The following ZNF445 variants were observed in gnomAD, a reference collection of about 807,000 sequenced individuals.
ZNF445 encodes the protein zinc finger protein 445, also known as zinc finger protein 168.
A neutral mutation model predicts 93.9 loss-of-function variants in ZNF445; 19 were observed. That is an observed-to-expected ratio of 0.20 (90% confidence interval 0.14 to 0.30). The LOEUF is 0.30. ZNF445 is among the 10% of genes least tolerant of loss of function. The pLI is 1.00. For missense variants in ZNF445, 1,058 were observed against 1,259.4 expected, an observed-to-expected ratio of 0.84 and a Z score of 2.42; for synonymous variants, 449 against 446.3, an observed-to-expected ratio of 1.01 and a Z score of -0.08.
rs748975852 is a variant in ZNF445, at chr3:44,447,040, A to G, written c.2631T>C (p.Tyr877=). 4.3e-6 allele frequency: 7 copies of G among 1,614,116 alleles called. No homozygotes were observed. The highest frequency in any genetic ancestry group is 2.7e-5 in the African/African-American group (2 of 74,922). ...RYKCNLCGKS[Y]DRNYRLVNHQ... ...GGTTAACAAGGCGATAGTTTCTATC[A>G]TAAGATTTCCCACATAGATTACATT... The change falls in exon 8 of 8, where the codon TAT becomes TAC. Residue 877 remains tyrosine (Y), a synonymous_variant. Coordinates refer to ENST00000396077, the MANE Select transcript of ZNF445 (RefSeq NM_181489.6). This position sits in a 1 kb window ranked among gnomAD's most constrained non-coding sequence, Gnocchi z 4.7.
rs989900137 is a variant in ZNF445, at chr3:44,438,486, CG to C, written c.*8088del. 4.6e-5 allele frequency: 7 copies of C among 150,990 alleles called. No individual in the cohort carries two copies. The highest frequency in any genetic ancestry group is 1.7e-4 in the African/African-American group (7 of 40,980). 9.4% of individuals were successfully genotyped at this position (150,990 alleles called of 1,614,324 possible). A position where few individuals can be genotyped will look rare whatever the true frequency, so the allele number is the denominator to read the frequency against. On this transcript the variant is annotated 3_prime_UTR_variant, in exon 8 of 8. Transcript: ENST00000396077. ...TAATTTTTTGTATTTTTACTAGAGACGGGGTTTCACCGCGTTAGCCAGCATG... is the reference window on the plus strand; with the variant it reads ...TAATTTTTTGTATTTTTACTAGAGACGGGTTTCACCGCGTTAGCCAGCATG...
In ZNF445 at chr3:44,438,050, TC is replaced by T. The variant is rs1284928653; in HGVS notation, c.*8524del. The T allele has an allele frequency of 6.6e-6, 1 of 152,434 alleles. No individual in the cohort carries two copies. The highest frequency in any genetic ancestry group is 2.4e-5 in the African/African-American group (1 of 41,416). 9.4% of individuals were successfully genotyped at this position (152,434 alleles called of 1,614,324 possible). ...CTATTCAACATGGAGTTGCTCTCGT[TC>T]CAATGCTTCTGACGCTATCTCTACA... On this transcript the variant is annotated 3_prime_UTR_variant, in exon 8 of 8. Transcript: ENST00000396077.
chr3:44,449,003 T>TA (rs1021049816), intron 7 of ZNF445, among the ~76,000 whole-genome samples: 2 of 152,182 alleles, frequency 1.3e-5, no homozygotes, highest in Admixed American at 1.3e-4. Flanking sequence ...AAGAAAGTGT[T>TA]AAACAGCCAG....
rs532882631 is a variant in ZNF445 at position 44,459,463 on chromosome 3, A to G, written c.-268-1099T>C. 2.8e-4 allele frequency among the ~76,000 whole-genome samples: 42 copies of G among 152,350 alleles called. No homozygotes were observed. The South Asian group carries it at 8.7e-3, about 32-fold the overall frequency. ...TTCTTCCTAAGGTAATGTGTGGTTA[A>G]TAAAATCCCAACCAAATTCCACCAT... On this transcript the variant is annotated intron_variant, in intron 1 of 7. Transcript: ENST00000396077.
intron 1 of ZNF445, 36 bp downstream of exon 1, chr3:44,477,555 G>A (rs1458308269): frequency 1.3e-5 from 2 of 151,582 alleles, no homozygotes; most frequent in East Asian, 1.9e-4. Flanking sequence ...CCGCAATGCC[G>A]CCACCCCCAC....
At position 44,436,366 on chromosome 3, in the gene ZNF445, T is replaced by C. The variant is rs1161137657; in HGVS notation, c.*10209A>G. 3.3e-5 allele frequency: 5 copies of C among 152,312 alleles called. No individual in the cohort carries two copies. The highest frequency in any genetic ancestry group is 5.9e-5 in the Non-Finnish European group (4 of 68,038). The allele number at this position is 152,312 out of a possible 1,614,324, so 9.4% of individuals were successfully genotyped here. ...TGTTTTTGGTGACTAAGTGTTACCA[T>C]ATGGTCCCTGCCTCCTCAGGATTCC... is the stretch of plus-strand genomic sequence containing the variant. On this transcript the variant is annotated 3_prime_UTR_variant, in exon 8 of 8. Coordinates refer to ENST00000396077, the MANE Select transcript of ZNF445 (RefSeq NM_181489.6).
In ZNF445 at chr3:44,455,320, C is replaced by T. The variant is rs777141268; in HGVS notation, c.230G>A (p.Arg77Gln). The change falls in exon 3 of 8, where the codon CGG becomes CAG. Residue 77 changes from arginine to glutamine, a missense_variant. Transcript: ENST00000396077. The stretch of plus-strand genomic sequence containing the variant: ...CCTCAGCCACCAGCGACAGAGTTCC[C>T]GGAGCCGGCTCAGAGTTTCTAGGGG... Reference protein sequence around the residue: ...SGPLETLSRLRELCRWWLRPD... With the variant: ...SGPLETLSRLQELCRWWLRPD... The T allele has an allele frequency of 1.2e-5, 19 of 1,613,936 alleles. No homozygotes were observed. Among genetic ancestry groups the T allele is most frequent in the Admixed American group, 6.7e-5 (4 of 60,004 alleles).
At chr3:44,462,308 G>T (rs1181617870) in intron 1 of ZNF445, among the ~76,000 whole-genome samples, 1 of 152,188 alleles carries the variant, frequency 6.6e-6, no homozygotes, top group Non-Finnish European at 1.5e-5. Flanking sequence ...TTGTGACAAT[G>T]TAGGGATACT....
rs969405010 is a variant in ZNF445 at position 44,440,787 on chromosome 3, T to C, written c.*5788A>G. On this transcript the variant is annotated 3_prime_UTR_variant, in exon 8 of 8. Transcript: ENST00000396077. The stretch of plus-strand genomic sequence containing the variant: ...GTTGCCTATTTTTATGGTTATTTAT[T>C]GATTATATGCTAAACAAGGGGTAGA... The C allele has an allele frequency of 4.6e-5, 7 of 152,366 alleles. No individual in the cohort carries two copies. In the East Asian group the frequency reaches 1.3e-3, roughly 29 times the overall value. 9.4% of individuals were successfully genotyped at this position (152,366 alleles called of 1,614,324 possible).
At position 44,440,072 on chromosome 3, in the gene ZNF445, C is replaced by G. The variant is rs1697780728; in HGVS notation, c.*6503G>C. 6.6e-6 allele frequency: 1 copy of G among 152,238 alleles called. No homozygotes were observed. Among genetic ancestry groups the G allele is most frequent in the Non-Finnish European group, 1.5e-5 (1 of 68,046 alleles). 9.4% of individuals were successfully genotyped at this position (152,238 alleles called of 1,614,324 possible). ...TGGGGAGACTCTATTCTAGCTCCCC[C>G]AGTCCTGGGGTGGCAGCTGCTTAGC... On this transcript the variant is annotated 3_prime_UTR_variant, in exon 8 of 8. Transcript: ENST00000396077.
chr3:44,433,697 C>T lies in ZNF445; in HGVS notation c.*12878G>A, dbSNP rs1697611066. On this transcript the variant is annotated 3_prime_UTR_variant, in exon 8 of 8. Coordinates refer to ENST00000396077, the MANE Select transcript of ZNF445 (RefSeq NM_181489.6). ...GTGGGAAAGTGGAGAACCATCAGCT[C>T]ACTTTCCCTCACGCCATGGCAAAAG... The T allele has an allele frequency of 6.6e-6, 1 of 152,242 alleles. No homozygotes were observed. Among genetic ancestry groups the T allele is most frequent in the South Asian group, 2.1e-4 (1 of 4,826 alleles). The allele number at this position is 152,242 out of a possible 1,614,324, so 9.4% of individuals were successfully genotyped here. A position where few individuals can be genotyped will look rare whatever the true frequency, so the allele number is the denominator to read the frequency against.
At chr3:44,451,028 C>A in intron 4 of ZNF445, 66 bp from the exon 5 acceptor site, 1 of 1,341,324 alleles carries the variant, frequency 7.5e-7, no homozygotes, top group Non-Finnish European at 1.0e-6. Context: ...GCCCACTCTT[C>A]CCCCCAGTAG....
chr3:44,471,268 C>T (rs1453917211), intron 1 of ZNF445, among the ~76,000 whole-genome samples: 1 of 152,130 alleles, frequency 6.6e-6, no homozygotes, highest in Non-Finnish European at 1.5e-5. Context: ...AGTACCCAGA[C>T]ATTATTGGTG....
intron 1 of ZNF445, among the ~76,000 whole-genome samples, chr3:44,465,912 TCAAAAAAAAAC>T (rs983293680): frequency 6.6e-6 from 1 of 151,848 alleles, no homozygotes; most frequent in African/African-American, 2.4e-5. Flanking sequence ...AGACTTCGTC[TCAAAAAAAAAC>T]CAAAAAACAA....
In ZNF445 at chr3:44,447,386, T is replaced by C. The variant is rs1697891266; in HGVS notation, c.2285A>G (p.Tyr762Cys). The stretch of plus-strand genomic sequence containing the variant: ...GGCCTTGCCACACTGGCTGCATTTG[T>C]AGGGCTCCTCTTTGGAGTGACTGCT... The part of the protein sequence containing the change: ...PQSSHSKEEP[Y>C]KCSQCGKAFR... Residue 762 changes from tyrosine to cysteine, a missense_variant, in exon 8 of 8, where the codon TAC (tyrosine) becomes TGC (cysteine). Tyr to Cys is a radical substitution (Grantham distance 194). This residue lies in a region of ZNF445 where 387 missense variants were observed against 475.7 expected (regional missense o/e 0.81). Transcript: ENST00000396077. This position sits in a 1 kb window ranked among gnomAD's most constrained non-coding sequence, Gnocchi z 4.7. 1.9e-6 allele frequency: 3 copies of C among 1,614,168 alleles called. No homozygotes were observed. The highest frequency in any genetic ancestry group is 4.5e-5 in the East Asian group (2 of 44,866).
rs1421262790 is a variant in ZNF445 at position 44,438,759 on chromosome 3, C to T, written c.*7816G>A. 2.0e-5 allele frequency: 3 copies of T among 150,528 alleles called. No homozygotes were observed. Among genetic ancestry groups the T allele is most frequent in the Non-Finnish European group, 4.4e-5 (3 of 67,896 alleles). 9.3% of individuals were successfully genotyped at this position (150,528 alleles called of 1,614,324 possible). A position where few individuals can be genotyped will look rare whatever the true frequency, so the allele number is the denominator to read the frequency against. On this transcript the variant is annotated 3_prime_UTR_variant, in exon 8 of 8. Coordinates refer to ENST00000396077, the MANE Select transcript of ZNF445 (RefSeq NM_181489.6). ...GAAATAATCATTCTCAGTAAACTAT[C>T]GCAAGAACAAAAAACCAAACACCGC...
At position 44,435,784 on chromosome 3, in the gene ZNF445, A is replaced by T. The variant is rs189424100; in HGVS notation, c.*10791T>A. The T allele has an allele frequency of 5.9e-5, 9 of 152,284 alleles. No homozygotes were observed. The highest frequency in any genetic ancestry group is 1.0e-4 in the Non-Finnish European group (7 of 68,036). 9.4% of individuals were successfully genotyped at this position (152,284 alleles called of 1,614,324 possible). A position where few individuals can be genotyped will look rare whatever the true frequency, so the allele number is the denominator to read the frequency against. The stretch of plus-strand genomic sequence containing the variant: ...AACCATAGGATGGGTTCAGGAATCT[A>T]CTAGATCTACTGTGAGATGAATCTG... On this transcript the variant is annotated 3_prime_UTR_variant, in exon 8 of 8. Coordinates refer to ENST00000396077, the MANE Select transcript of ZNF445 (RefSeq NM_181489.6).
chr3:44,452,916 C>CT (rs60163197), intron 3 of ZNF445, among the ~76,000 whole-genome samples: 56,479 of 134,248 alleles, frequency 0.42, 12,281 homozygotes, highest in East Asian at 0.84. Context: ...TTTCAGAAAT[C>CT]TTTTTTTTTT....
At position 44,446,990 on chromosome 3, in the gene ZNF445, C is replaced by G. The variant is rs1302862893; in HGVS notation, c.2681G>C (p.Arg894Thr). The G allele has an allele frequency of 1.2e-6, 2 of 1,614,178 alleles. No homozygotes were observed. Among genetic ancestry groups the G allele is most frequent in the Non-Finnish European group, 1.7e-6 (2 of 1,180,022 alleles). ...CCCACACCACTGACATTTGAAAGGT[C>G]TCTCTGTAGAGTGGATCCTCTGATG... ...VNHQRIHSTE[R>T]PFKCQWCGKE... is the part of the protein sequence containing the mutation. The change falls in exon 8 of 8, where the codon AGA becomes ACA. Residue 894 changes from arginine to threonine, a missense_variant. By Grantham distance (71) the Arg-to-Thr change is moderately conservative. This residue lies in a region of ZNF445 where 387 missense variants were observed against 475.7 expected (regional missense o/e 0.81). Transcript: ENST00000396077. The surrounding 1 kb of genome is among the most constrained non-coding windows in gnomAD (Gnocchi z 4.2).
Sources: allele counts gnomAD v4.1 joint callset (sites outside exome capture counted in the v4.1 genomes callset), GRCh38; gene constraint gnomAD v4.1.1; regional missense constraint gnomAD v4.1.1; non-coding constraint Gnocchi (gnomAD v3.1); transcripts MANE v1.5; gene names NCBI Gene and HGNC (gene_info 2026-07-23, HGNC 2026-07-21).